SCARA3: variants seen among roughly 807,000 people sequenced by gnomAD.
SCARA3 encodes scavenger receptor class A member 3, also known as cellular stress response gene protein.
In SCARA3, 39 loss-of-function variants were observed where a neutral mutation model predicts 47.0. The observed-to-expected ratio is 0.83, with a 90% CI of 0.64 to 1.08. The LOEUF is 1.08. SCARA3 is among the 50% of genes least tolerant of loss of function. SCARA3 has a pLI of 0.00. For synonymous variants in SCARA3, 356 were observed against 334.1 expected (o/e 1.07, Z -0.71); for missense variants, 724 against 792.3 (o/e 0.91, Z 1.04).
At chr8:27,665,287 T>G (rs1055731821) in intron 5 of SCARA3, among the ~76,000 whole-genome samples, 1 of 152,236 alleles carries the variant, frequency 6.6e-6, no homozygotes, top group Non-Finnish European at 1.5e-5. Context: ...AGCTGATCTC[T>G]GAGAACTATT....
the SCARA3 span, among the ~76,000 whole-genome samples, chr8:27,728,553 T>C: frequency 6.6e-6 from 1 of 152,114 alleles, no homozygotes; most frequent in Non-Finnish European, 1.5e-5. Flanking sequence ...CCACTCCCAT[T>C]CTGGAGGGGC....
At chr8:27,684,037 A>G in the SCARA3 span, among the ~76,000 whole-genome samples, 1 of 152,238 alleles carries the variant, frequency 6.6e-6, no homozygotes, top group African/African-American at 2.4e-5. Flanking sequence ...TCCTTGCCTC[A>G]CGTTGTGCAG....
At chr8:27,731,893 C>G in the SCARA3 span, among the ~76,000 whole-genome samples, 1 of 133,636 alleles carries the variant, frequency 7.5e-6, no homozygotes, top group African/African-American at 2.8e-5. Flanking sequence ...GGGCACTGCA[C>G]GGTACCCCGA....
chr8:27,691,810 T>G, the SCARA3 span, among the ~76,000 whole-genome samples: 1 of 152,120 alleles, frequency 6.6e-6, no homozygotes, highest in South Asian at 2.1e-4. Flanking sequence ...CACCAGTGCC[T>G]GATCACAAAG....
At chr8:27,698,890 T>C in the SCARA3 span, among the ~76,000 whole-genome samples, 1 of 151,982 alleles carries the variant, frequency 6.6e-6, no homozygotes, top group Non-Finnish European at 1.5e-5. Context: ...TATAGTGGTA[T>C]CTATCTATCT....
chr8:27,712,131 C>A, the SCARA3 span, among the ~76,000 whole-genome samples: 1 of 152,334 alleles, frequency 6.6e-6, no homozygotes, highest in Non-Finnish European at 1.5e-5. Flanking sequence ...TCAGCCCTCC[C>A]TCCATCCTAA....
intron 1 of SCARA3, among the ~76,000 whole-genome samples, chr8:27,644,740 A>T (rs990156919): frequency 4.6e-5 from 7 of 151,994 alleles, no homozygotes; most frequent in African/African-American, 1.7e-4. Flanking sequence ...TGATGATTTC[A>T]TTACCCCTTC....
chr8:27,671,720 A>G lies in SCARA3; in HGVS notation c.*369A>G. On this transcript the variant is annotated 3_prime_UTR_variant, in exon 6 of 6. Coordinates refer to ENST00000301904, the MANE Select transcript of SCARA3 (RefSeq NM_016240.3). Reference sequence around the variant, plus strand: ...CAGGCACACATGCATGCACACATACACATGCACACACACATGCACACATAT... The same window carrying G: ...CAGGCACACATGCATGCACACATACGCATGCACACACACATGCACACATAT... 9.6e-7 allele frequency: 1 copy of G among 1,043,986 alleles called. No homozygotes were observed. Among genetic ancestry groups the G allele is most frequent in the East Asian group, 7.0e-5 (1 of 14,242 alleles). 64.7% of individuals were successfully genotyped at this position (1,043,986 alleles called of 1,614,324 possible). A position where few individuals can be genotyped will look rare whatever the true frequency, so the allele number is the denominator to read the frequency against.
intron 1 of SCARA3, 130 bp downstream of exon 1, chr8:27,634,337 C>A: frequency 1.3e-6 from 1 of 751,506 alleles, no homozygotes; most frequent in Non-Finnish European, 1.8e-6. Context: ...TTTTCCCCTG[C>A]CTTTTTGGGC....
At chr8:27,667,291 C>G (rs1008638735) in intron 5 of SCARA3, among the ~76,000 whole-genome samples, 10 of 152,256 alleles carry the variant, frequency 6.6e-5, no homozygotes, top group African/African-American at 2.4e-4. Flanking sequence ...GCCTGGAGGG[C>G]AGGTGGTGCC....
At position 27,670,889 on chromosome 8, in the gene SCARA3, T is replaced by C; in HGVS notation, c.1370-11T>C. 1 of 1,516,306 alleles carries C rather than the reference T, an allele frequency of 6.6e-7. No homozygotes were observed. The allele number at this position is 1,516,306 out of a possible 1,614,324, so 93.9% of individuals were successfully genotyped here. ...ACAGACTGACCTCTCCCATCTTCTC[T>C]CCAACCTCAGGTGCCCCCGGCCCTC... On this transcript the variant is annotated splice_polypyrimidine_tract_variant and intron_variant, in intron 5 of 5. Transcript: ENST00000301904.
chr8:27,661,340 C>A (rs1801909229), intron 5 of SCARA3, among the ~76,000 whole-genome samples: 1 of 152,160 alleles, frequency 6.6e-6, no homozygotes, highest in Non-Finnish European at 1.5e-5. Context: ...TGAGTACAAC[C>A]AAAAACACAC....
chr8:27,718,536 A>G, the SCARA3 span, among the ~76,000 whole-genome samples: 1 of 152,224 alleles, frequency 6.6e-6, no homozygotes, highest in African/African-American at 2.4e-5. Context: ...CTCCAGCTCC[A>G]TGGTTTTTAG....
the SCARA3 span, among the ~76,000 whole-genome samples, chr8:27,729,920 C>T: frequency 6.6e-6 from 1 of 152,108 alleles, no homozygotes; most frequent in Admixed American, 6.5e-5. Context: ...GTAGACAGTG[C>T]ATTAAATATC....
At chr8:27,648,776 G>T (rs1321703776) in intron 1 of SCARA3, among the ~76,000 whole-genome samples, 1 of 145,576 alleles carries the variant, frequency 6.9e-6, no homozygotes, top group Admixed American at 7.0e-5. Context: ...CAACAAAACG[G>T]CAAAGAAAGA....
chr8:27,700,848 G>A, the SCARA3 span, among the ~76,000 whole-genome samples: 1 of 152,162 alleles, frequency 6.6e-6, no homozygotes, highest in East Asian at 1.9e-4. Context: ...CTGTGAAGTG[G>A]TACAACCCTT....
the SCARA3 span, among the ~76,000 whole-genome samples, chr8:27,728,139 G>T: frequency 1.3e-5 from 2 of 152,232 alleles, no homozygotes; most frequent in African/African-American, 2.4e-5. Context: ...GGTTTCCCTC[G>T]ATCACAGGGA....
At chr8:27,646,047 C>T (rs1801485394) in intron 1 of SCARA3, among the ~76,000 whole-genome samples, 1 of 152,188 alleles carries the variant, frequency 6.6e-6, no homozygotes, top group Non-Finnish European at 1.5e-5. Flanking sequence ...TGGTGAGTTA[C>T]TACAGCATTC....
At chr8:27,678,959 G>A (rs145420144), downstream of SCARA3, among the ~76,000 whole-genome samples, 10 of 152,114 alleles carry the variant, frequency 6.6e-5, no homozygotes, top group East Asian at 1.9e-4. Flanking sequence ...AGGCTGAGGC[G>A]GGCAGATCAC....
Sources: gnomAD v4.1 joint callset for allele counts (sites outside exome capture counted in the v4.1 genomes callset) on GRCh38, gnomAD v4.1.1 for gene constraint, MANE v1.5 for transcripts, NCBI Gene and HGNC (gene_info 2026-07-23, HGNC 2026-07-21) for gene names.